Variants in EPB41L4A observed in about 807,000 individuals in gnomAD.
EPB41L4A encodes erythrocyte membrane protein band 4.1 like 4A, also known as band 4.1-like protein 4A.
Under a neutral mutation model 108.6 loss-of-function variants are expected in EPB41L4A, and 100 were observed. The ratio of observed to expected loss-of-function variants is 0.92; its 90% CI spans 0.78 to 1.09. EPB41L4A has a LOEUF of 1.09. Ranked by LOEUF, EPB41L4A falls within the 50% of genes least tolerant of loss-of-function variation. The probability of loss-of-function intolerance (pLI) is 0.00; values close to 1 mark genes in which losing one functional copy is unlikely to be tolerated. For synonymous variants in EPB41L4A, 319 were observed against 289.0 expected (o/e 1.10, Z -1.05); for missense variants, 1,030 against 842.7 (o/e 1.22, Z -2.75).
At chr5:112,261,619 C>A (rs1751488581) in intron 7 of EPB41L4A, among the ~76,000 whole-genome samples, 3 of 134,766 alleles carry the variant, frequency 2.2e-5, no homozygotes, top group Non-Finnish European at 1.7e-5. Context: ...ACACTCAGTG[C>A]AGATTCAGTG....
intron 9 of EPB41L4A, among the ~76,000 whole-genome samples, chr5:112,246,277 A>G (rs1750215901): frequency 6.6e-6 from 1 of 152,122 alleles, no homozygotes; most frequent in South Asian, 2.1e-4. Context: ...GTTCCTTAAG[A>G]TTATAAAACG....
At position 112,277,936 on chromosome 5, in the gene EPB41L4A, T is replaced by C. The variant is rs144022092; in HGVS notation, c.256+2336A>G. Reference sequence around the variant, plus strand: ...AAACTCTTATGTAAAGTGAAGTTAATATTGTTTCACTTTAGCAAAAAATAC... The same window carrying C: ...AAACTCTTATGTAAAGTGAAGTTAACATTGTTTCACTTTAGCAAAAAATAC... On this transcript the variant is annotated intron_variant, in intron 3 of 22. Transcript: ENST00000261486. Among the ~76,000 whole-genome samples the C allele has an allele frequency of 3.1e-4, 47 of 152,352 alleles. No individual in the cohort carries two copies. The East Asian group carries it at 5.6e-3, about 18-fold the overall frequency.
At chr5:112,247,133 A>G (rs779552792) in intron 9 of EPB41L4A, among the ~76,000 whole-genome samples, 1 of 144,384 alleles carries the variant, frequency 6.9e-6, no homozygotes, top group Non-Finnish European at 1.5e-5. Context: ...TCATTGACAC[A>G]TGATTGTATA....
At chr5:112,310,892 A>G (rs1017177958) in intron 1 of EPB41L4A, among the ~76,000 whole-genome samples, 2 of 152,228 alleles carry the variant, frequency 1.3e-5, no homozygotes, top group Admixed American at 6.5e-5. Flanking sequence ...GCAAGAGTTT[A>G]GGATTAATTC....
intron 1 of EPB41L4A, among the ~76,000 whole-genome samples, chr5:112,330,656 G>A (rs972948778): frequency 6.6e-6 from 1 of 151,848 alleles, no homozygotes; most frequent in African/African-American, 2.4e-5. Flanking sequence ...AGAAGACGCA[G>A]AATTTGAACC....
At chr5:112,229,806 G>A (rs940609848) in intron 12 of EPB41L4A, among the ~76,000 whole-genome samples, 8 of 152,038 alleles carry the variant, frequency 5.3e-5, no homozygotes, top group African/African-American at 1.9e-4. Context: ...GGCTAACATG[G>A]TGAAACGCTG....
intron 12 of EPB41L4A, among the ~76,000 whole-genome samples, chr5:112,227,455 T>C (rs1035262805): frequency 1.2e-4 from 18 of 152,196 alleles, no homozygotes; most frequent in African/African-American, 4.3e-4. Context: ...TCTGACAAGA[T>C]ACTCAGCCCA....
At chr5:112,327,317 T>C (rs1014060646) in intron 1 of EPB41L4A, among the ~76,000 whole-genome samples, 7 of 152,210 alleles carry the variant, frequency 4.6e-5, no homozygotes, top group African/African-American at 1.7e-4. Flanking sequence ...TTAAATTAAA[T>C]GATTCTAAGA....
intron 1 of EPB41L4A, among the ~76,000 whole-genome samples, chr5:112,369,115 C>CCA (rs1223576912): frequency 6.6e-6 from 1 of 152,180 alleles, no homozygotes; most frequent in Admixed American, 6.5e-5. Context: ...GGTCCCTTAG[C>CCA]CACCACAAGT....
chr5:112,205,058 A>AT, intron 14 of EPB41L4A, among the ~76,000 whole-genome samples: 1 of 152,262 alleles, frequency 6.6e-6, no homozygotes, highest in Non-Finnish European at 1.5e-5. Flanking sequence ...GTCTTCCAGC[A>AT]TAACTATTCA....
exon 14 of EPB41L4A, chr5:112,142,925 T>G (rs1357126836): frequency 6.6e-6 from 1 of 152,206 alleles, no homozygotes; most frequent in East Asian, 1.9e-4. Flanking sequence ...GCTTCAGAAG[T>G]AGTTGCGTGC....
intron 17 of EPB41L4A, among the ~76,000 whole-genome samples, chr5:112,186,378 T>G (rs977380600): frequency 6.6e-6 from 1 of 152,184 alleles, no homozygotes; most frequent in African/African-American, 2.4e-5. Context: ...TACTCAGACT[T>G]CACTCTGATG....
At chr5:112,403,273 T>C (rs1371459637) in intron 1 of EPB41L4A, among the ~76,000 whole-genome samples, 1 of 151,720 alleles carries the variant, frequency 6.6e-6, no homozygotes, top group African/African-American at 2.4e-5. Context: ...ATCAAGCTCT[T>C]CTTGGTTCGT....
chr5:112,158,349 C>T (rs1478515077), downstream of EPB41L4A: 1 of 298,108 alleles, frequency 3.4e-6, no homozygotes, highest in South Asian at 3.0e-5. Flanking sequence ...ATTCCACAAA[C>T]CTTTCATAAT....
intron 9 of EPB41L4A, chr5:112,256,983 T>C (rs1751144127): frequency 6.6e-6 from 1 of 152,232 alleles, no homozygotes; most frequent in African/African-American, 2.4e-5. Context: ...AAAGCATCTC[T>C]GAATTTGGCC....
chr5:112,204,592 G>T, intron 14 of EPB41L4A, 104 bp from the exon 15 acceptor site: 1 of 645,698 alleles, frequency 1.5e-6, no homozygotes, highest in Non-Finnish European at 2.8e-6. Context: ...ACTTCCAGAG[G>T]CACATGCACC....
chr5:112,178,412 T>TA (rs916166870), intron 18 of EPB41L4A, among the ~76,000 whole-genome samples: 13 of 150,876 alleles, frequency 8.6e-5, no homozygotes, highest in East Asian at 7.8e-4. Flanking sequence ...GATGAAGAAA[T>TA]AAAAAAAAAG....
At chr5:112,330,985 C>G (rs1756525505) in intron 1 of EPB41L4A, among the ~76,000 whole-genome samples, 2 of 152,128 alleles carry the variant, frequency 1.3e-5, no homozygotes. Context: ...AACAGGCCAT[C>G]TTCCGTAACA....
intron 17 of EPB41L4A, 125 bp downstream of exon 17, chr5:112,194,443 A>C (rs1761859878): frequency 1.8e-6 from 1 of 567,862 alleles, no homozygotes. Context: ...AGTGCTTCAA[A>C]ATAGTGCCAG....
Sources: gnomAD v4.1 joint callset for allele counts (sites outside exome capture counted in the v4.1 genomes callset) on GRCh38, gnomAD v4.1.1 for gene constraint, MANE v1.5 for transcripts, NCBI Gene and HGNC (gene_info 2026-07-23, HGNC 2026-07-21) for gene names.